Variants in ATP9A observed in about 807,000 individuals in gnomAD.
ATP9A encodes the protein probable phospholipid-transporting ATPase IIA.
In ATP9A, 52 loss-of-function variants were observed where a neutral mutation model predicts 144.1. That is an observed-to-expected ratio of 0.36 (90% CI 0.29 to 0.45). ATP9A has a LOEUF of 0.45. Ranked by LOEUF, ATP9A falls within the 20% of genes least tolerant of loss-of-function variation. The pLI is 1.00. For missense variants in ATP9A, 947 were observed against 1,392.7 expected (o/e 0.68, Z 5.09); for synonymous variants, 582 against 557.4 (o/e 1.04, Z -0.62).
intron 25 of ATP9A, 31 bp downstream of exon 25, chr20:51,608,487 G>A (rs1464531127): frequency 7.2e-7 from 1 of 1,382,124 alleles, no homozygotes; most frequent in South Asian, 1.2e-5. Flanking sequence ...AGGAGGAAAG[G>A]AGGAAGGAGG....
At chr20:51,695,417 C>G (rs1052866651) in intron 6 of ATP9A, among the ~76,000 whole-genome samples, 1 of 145,572 alleles carries the variant, frequency 6.9e-6, no homozygotes, top group African/African-American at 2.6e-5. Context: ...AAGCCGAGAT[C>G]GTACCACTAC....
At chr20:51,629,355 G>A (rs1197763662) in intron 15 of ATP9A, among the ~76,000 whole-genome samples, 2 of 152,234 alleles carry the variant, frequency 1.3e-5, no homozygotes, top group African/African-American at 2.4e-5. Flanking sequence ...AACTGGAATA[G>A]ACTCACATGC....
At chr20:51,690,143 A>G (rs942065201) in intron 8 of ATP9A, among the ~76,000 whole-genome samples, 22 of 134,396 alleles carry the variant, frequency 1.6e-4, no homozygotes, top group Admixed American at 5.5e-4. Flanking sequence ...AAAAAAGGCC[A>G]GGCTCAGTGG....
intron 1 of ATP9A, among the ~76,000 whole-genome samples, chr20:51,761,713 T>C (rs1035766803): frequency 9.2e-5 from 14 of 151,644 alleles, no homozygotes; most frequent in Non-Finnish European, 1.8e-4. Flanking sequence ...TGAGCCAAGG[T>C]TGCGCCACTG....
At chr20:51,680,604 T>C (rs1170150576) in intron 9 of ATP9A, among the ~76,000 whole-genome samples, 2 of 152,186 alleles carry the variant, frequency 1.3e-5, no homozygotes, top group Non-Finnish European at 2.9e-5. Flanking sequence ...CAGCACTGCC[T>C]GGCAAGCTTT....
chr20:51,729,189 A>G (rs899412577), intron 2 of ATP9A, among the ~76,000 whole-genome samples: 6 of 152,154 alleles, frequency 3.9e-5, no homozygotes, highest in African/African-American at 1.4e-4. Context: ...CACTGCTGAC[A>G]TTCTTTTCTG....
At chr20:51,725,387 G>T (rs2077707849) in intron 3 of ATP9A, among the ~76,000 whole-genome samples, 1 of 152,134 alleles carries the variant, frequency 6.6e-6, no homozygotes, top group South Asian at 2.1e-4. Flanking sequence ...CTCCCAAAGT[G>T]CTAGGACTAC....
chr20:51,726,313 CAAAAAAAAA>C (rs11476208), intron 2 of ATP9A, among the ~76,000 whole-genome samples: 4 of 70,780 alleles, frequency 5.7e-5, no homozygotes, highest in East Asian at 1.1e-3. Context: ...AACTCTGTCT[CAAAAAAAAA>C]AAAAAAAAAA....
Position 51,613,787 on chromosome 20 carries a change from A to C in ATP9A, c.2461T>G (p.Phe821Val). The stretch of plus-strand genomic sequence containing the variant: ...ATAAGCAACCGGCCAAGATGCTTAA[A>C]TTGAGTGATGGAGAAGTCTGCAGCC... ...SLAADFSITQ[F>V]KHLGRLLMVH... is the part of the protein sequence containing the mutation. Residue 821 changes from phenylalanine (F) to valine (V), a missense_variant, in exon 23 of 28, where the codon TTT becomes GTT. Transcript: ENST00000338821. 6.2e-7 allele frequency: 1 copy of C among 1,614,126 alleles called. No individual in the cohort carries two copies.
chr20:51,677,136 G>T (rs1291000843), intron 9 of ATP9A, among the ~76,000 whole-genome samples: 1 of 151,332 alleles, frequency 6.6e-6, no homozygotes, highest in Admixed American at 6.6e-5. Context: ...GTCTCACTAT[G>T]TTGCCCAGGC....
At chr20:51,733,176 C>T (rs2077749384) in intron 1 of ATP9A, among the ~76,000 whole-genome samples, 1 of 152,146 alleles carries the variant, frequency 6.6e-6, no homozygotes. Flanking sequence ...GCACAAAGTA[C>T]AGGTCACTCA....
At chr20:51,608,223 G>A (rs2077171339) in intron 25 of ATP9A, among the ~76,000 whole-genome samples, 1 of 152,156 alleles carries the variant, frequency 6.6e-6, no homozygotes, top group Non-Finnish European at 1.5e-5. Context: ...AGTTGCAACT[G>A]CAAAGCGGAA....
chr20:51,723,844 C>T (rs1318398805), intron 3 of ATP9A, among the ~76,000 whole-genome samples: 1 of 152,042 alleles, frequency 6.6e-6, no homozygotes, highest in Non-Finnish European at 1.5e-5. Flanking sequence ...TGTGAGCCAC[C>T]GTGCCCGGCC....
Position 51,653,766 on chromosome 20 carries a change from G to A in ATP9A, c.1506+3172C>T, listed in dbSNP as rs182640619. 4.4e-4 allele frequency among the ~76,000 whole-genome samples: 67 copies of A among 151,514 alleles called. No homozygotes were observed. The East Asian group carries it at 0.012, about 27-fold the overall frequency. ...CATACCACTGCACTCCAGCCTGGGC[G>A]ACAGAGCAAAAAAAAAAGGCCTGGC... is the stretch of plus-strand genomic sequence containing the variant. On this transcript the variant is annotated intron_variant, in intron 14 of 27. Coordinates refer to ENST00000338821, the MANE Select transcript of ATP9A (RefSeq NM_006045.3).
intron 17 of ATP9A, among the ~76,000 whole-genome samples, chr20:51,626,090 T>C (rs916633400): frequency 2.0e-5 from 3 of 152,194 alleles, no homozygotes; most frequent in Non-Finnish European, 2.9e-5. Flanking sequence ...GACACGGCAG[T>C]AAACAAGACG....
chr20:51,628,876 C>T, intron 16 of ATP9A, 104 bp downstream of exon 16: 2 of 937,160 alleles, frequency 2.1e-6, no homozygotes, highest in Non-Finnish European at 3.3e-6. Context: ...TGGTTTGTTA[C>T]ACAGCCACCG....
chr20:51,724,896 C>T (rs1454280301), intron 3 of ATP9A, among the ~76,000 whole-genome samples: 1 of 152,176 alleles, frequency 6.6e-6, no homozygotes, highest in African/African-American at 2.4e-5. Flanking sequence ...TCCCAGGAAA[C>T]AATTCAAATA....
chr20:51,745,644 C>T (rs965618518), intron 1 of ATP9A, among the ~76,000 whole-genome samples: 13 of 152,040 alleles, frequency 8.6e-5, no homozygotes, highest in African/African-American at 2.9e-4. Context: ...GGAGACCCCC[C>T]ACCAGAGAGT....
chr20:51,719,662 G>A (rs556930084), intron 3 of ATP9A, among the ~76,000 whole-genome samples: 1 of 150,756 alleles, frequency 6.6e-6, no homozygotes, highest in African/African-American at 2.4e-5. Context: ...GAACCCAGGA[G>A]GCAGAGGTTG....
Sources: allele counts gnomAD v4.1 joint callset (sites outside exome capture counted in the v4.1 genomes callset), GRCh38; gene constraint gnomAD v4.1.1; transcripts MANE v1.5; gene names NCBI Gene and HGNC (gene_info 2026-07-23, HGNC 2026-07-21).